The following PCYT1B variants were observed in gnomAD, a reference collection of about 807,000 sequenced individuals.
The protein encoded by PCYT1B is phosphate cytidylyltransferase 1B, choline.
A neutral mutation model predicts 26.4 loss-of-function variants in PCYT1B; 10 were observed. That is an observed-to-expected ratio of 0.38 (90% CI 0.23 to 0.64). The LOEUF (loss-of-function observed/expected upper bound fraction) is 0.64. Among genes scored for constraint, PCYT1B ranks in the 30% least tolerant of loss-of-function variants. The pLI is 0.56. For synonymous variants in PCYT1B, 131 were observed against 108.4 expected (o/e 1.21, Z -1.29); for missense variants, 161 against 292.7 (o/e 0.55, Z 3.28).
chrX:24,623,745 A>G (rs1925781459), intron 1 of PCYT1B, among the ~76,000 whole-genome samples: 1 of 110,975 alleles, frequency 9.0e-6, no homozygotes, highest in Non-Finnish European at 1.9e-5. Flanking sequence ...ACATTGTCAA[A>G]TATTTACTTA....
At chrX:24,625,556 C>A (rs1253044596) in intron 1 of PCYT1B, among the ~76,000 whole-genome samples, 2 of 108,395 alleles carry the variant, frequency 1.8e-5, no homozygotes, top group African/African-American at 3.4e-5. Context: ...GGTTCAGCAC[C>A]AAGAAATATC....
chrX:24,652,232 T>C (rs996447384), upstream of PCYT1B, among the ~76,000 whole-genome samples: 4 of 112,326 alleles, frequency 3.6e-5, no homozygotes, highest in African/African-American at 1.3e-4. Context: ...TGGTATTAGG[T>C]TGGTGCAAAA....
At chrX:24,571,043 G>A (rs1330631563) in intron 7 of PCYT1B, among the ~76,000 whole-genome samples, 3 of 112,214 alleles carry the variant, frequency 2.7e-5, no homozygotes, top group South Asian at 3.8e-4. Flanking sequence ...AAGTTTCATC[G>A]TATAATTTTG....
intron 1 of PCYT1B, among the ~76,000 whole-genome samples, chrX:24,655,079 C>T (rs1369306205): frequency 8.9e-6 from 1 of 111,934 alleles, no homozygotes; most frequent in East Asian, 2.8e-4. Flanking sequence ...TCCCTTGGTG[C>T]TTTTACACAT....
intron 7 of PCYT1B, among the ~76,000 whole-genome samples, chrX:24,565,015 C>T (rs1923576175): frequency 9.1e-6 from 1 of 109,977 alleles, no homozygotes; most frequent in South Asian, 4.1e-4. Flanking sequence ...GAGGAGGTTT[C>T]GGTGGTTAAG....
chrX:24,563,909 C>T (rs1036493922), intron 7 of PCYT1B, among the ~76,000 whole-genome samples: 7 of 111,554 alleles, frequency 6.3e-5, no homozygotes, highest in African/African-American at 1.3e-4. Context: ...AGGCCAGGCG[C>T]GGTGGCTTAT....
chrX:24,595,292 G>T (rs1248792062), intron 3 of PCYT1B, among the ~76,000 whole-genome samples: 7 of 109,050 alleles, frequency 6.4e-5, no homozygotes, highest in African/African-American at 2.0e-4. Context: ...TCTCCAAATT[G>T]CAGGGAAAGG....
At chrX:24,617,806 C>T (rs1174458233) in intron 2 of PCYT1B, among the ~76,000 whole-genome samples, 3 of 111,122 alleles carry the variant, frequency 2.7e-5, no homozygotes, top group Non-Finnish European at 5.7e-5. Flanking sequence ...TATTTTTCAC[C>T]CCATCCCAAT....
chrX:24,649,001 A>G (rs1285900885), upstream of PCYT1B, among the ~76,000 whole-genome samples: 3 of 112,143 alleles, frequency 2.7e-5, no homozygotes, highest in Non-Finnish European at 5.6e-5. Flanking sequence ...ATTCTGTAGC[A>G]GAGAATTACA....
At chrX:24,595,147 G>A (rs1344877810) in intron 3 of PCYT1B, among the ~76,000 whole-genome samples, 2 of 109,119 alleles carry the variant, frequency 1.8e-5, no homozygotes, top group Middle Eastern at 4.6e-3. Context: ...TGAGGGCCCC[G>A]TGGTACAGAC....
At chrX:24,566,922 T>C (rs1374360889) in intron 7 of PCYT1B, among the ~76,000 whole-genome samples, 1 of 111,414 alleles carries the variant, frequency 9.0e-6, no homozygotes, top group Non-Finnish European at 1.9e-5. Context: ...TGCCAAAAGA[T>C]ATCAAGCCCC....
rs779316769 is a variant in PCYT1B at position 24,637,509 on chromosome X, T to TATATATATATATATATATAA, written c.117+9479_117+9480insTTATATATATATATATATAT. 3.8e-3 allele frequency among the ~76,000 whole-genome samples: 246 copies of TATATATATATATATATATAA among 64,018 alleles called. 8 individuals carry two copies. Among genetic ancestry groups the TATATATATATATATATATAA allele is most frequent in the Middle Eastern group, 6.5e-3 (1 of 153 alleles). The allele number at this position is 64,018 out of a possible 115,157, so 55.6% of individuals were successfully genotyped here. A position where few individuals can be genotyped will look rare whatever the true frequency, so the allele number is the denominator to read the frequency against. The stretch of plus-strand genomic sequence containing the variant: ...AAAAAAAAATATATATATATATATA[T>TATATATATATATATATATAA]ATAAATTAGCTGAGCGTGGTGGCGT... On this transcript the variant is annotated intron_variant, in intron 1 of 7. Transcript: ENST00000379144.
At chrX:24,609,232 G>A (rs112422584) in intron 2 of PCYT1B, among the ~76,000 whole-genome samples, 6,328 of 109,626 alleles carry the variant, frequency 0.058, 453 homozygotes, top group African/African-American at 0.2. Flanking sequence ...GTGCAGTGGC[G>A]CAATCTCGGC....
chrX:24,657,766 A>G (rs1414634084), intron 1 of PCYT1B, among the ~76,000 whole-genome samples: 1 of 112,258 alleles, frequency 8.9e-6, no homozygotes, highest in Non-Finnish European at 1.9e-5. Context: ...TCTATAAGCA[A>G]TTATAGGAAC....
At chrX:24,583,173 C>G (rs1924259141) in intron 5 of PCYT1B, among the ~76,000 whole-genome samples, 2 of 112,202 alleles carry the variant, frequency 1.8e-5, no homozygotes, top group African/African-American at 6.5e-5. Flanking sequence ...ACGACTAAGT[C>G]AGAAGAAGCC....
intron 3 of PCYT1B, among the ~76,000 whole-genome samples, chrX:24,590,960 TTTTTTTGTAC>T (rs976719090): frequency 1.8e-5 from 2 of 109,619 alleles, no homozygotes; most frequent in Non-Finnish European, 1.9e-5. Flanking sequence ...CCCAGGCTAA[TTTTTTTGTAC>T]TTTTAGTAGA....
At chrX:24,617,702 C>T (rs1377173523) in intron 2 of PCYT1B, among the ~76,000 whole-genome samples, 1 of 110,863 alleles carries the variant, frequency 9.0e-6, no homozygotes, top group African/African-American at 3.3e-5. Flanking sequence ...CCTGCCTCAG[C>T]CTCCCAAAGT....
At chrX:24,668,144 C>A (rs1927164713) in intron 1 of PCYT1B, among the ~76,000 whole-genome samples, 1 of 112,355 alleles carries the variant, frequency 8.9e-6, no homozygotes, top group African/African-American at 3.2e-5. Flanking sequence ...CTAGAACCAG[C>A]ATGGGACCTG....
chrX:24,633,785 T>C (rs770340093), intron 1 of PCYT1B, among the ~76,000 whole-genome samples: 3 of 112,269 alleles, frequency 2.7e-5, no homozygotes, highest in Non-Finnish European at 5.6e-5. Flanking sequence ...ATGTTAAAAC[T>C]GGTTTCATTC....
Sources: allele counts gnomAD v4.1 joint callset (sites outside exome capture counted in the v4.1 genomes callset), GRCh38; gene constraint gnomAD v4.1.1; transcripts MANE v1.5; gene names NCBI Gene and HGNC (gene_info 2026-07-23, HGNC 2026-07-21).